PRKCA: variants seen among roughly 807,000 people sequenced by gnomAD.
PRKCA encodes protein kinase C alpha type.
In PRKCA, 27 loss-of-function variants were observed where a neutral mutation model predicts 87.0. The observed-to-expected ratio is 0.31, with a 90% CI of 0.23 to 0.43. The LOEUF (loss-of-function observed/expected upper bound fraction) is 0.43, where lower values mean the gene tolerates loss of function less well. Among genes scored for constraint, PRKCA ranks in the 20% least tolerant of loss-of-function variants. The pLI, the probability that PRKCA is intolerant of heterozygous loss-of-function variation, is 1.00. For missense variants in PRKCA, 518 were observed against 852.3 expected (o/e 0.61, Z 4.88); for synonymous variants, 329 against 311.1 (o/e 1.06, Z -0.61).
At chr17:66,363,050 G>A (rs1315077247) in intron 2 of PRKCA, among the ~76,000 whole-genome samples, 1 of 152,092 alleles carries the variant, frequency 6.6e-6, no homozygotes, top group African/African-American at 2.4e-5. Flanking sequence ...GCATCCTAGA[G>A]GTCTTAGAAA....
chr17:66,482,399 T>G (rs1182878674), intron 2 of PRKCA, among the ~76,000 whole-genome samples: 7 of 151,986 alleles, frequency 4.6e-5, no homozygotes, highest in Non-Finnish European at 1.0e-4. Context: ...CCACCTAGAG[T>G]CCTTCAGGGA....
At chr17:66,329,688 A>T (rs559001739) in intron 2 of PRKCA, among the ~76,000 whole-genome samples, 2 of 152,304 alleles carry the variant, frequency 1.3e-5, no homozygotes, top group South Asian at 4.2e-4. Context: ...AGGTAGGACA[A>T]GGTTTCAAGA....
At chr17:66,684,676 T>G (rs1972578713) in intron 5 of PRKCA, among the ~76,000 whole-genome samples, 5 of 152,358 alleles carry the variant, frequency 3.3e-5, no homozygotes, top group Middle Eastern at 3.4e-3. Flanking sequence ...AAATGATTTT[T>G]TTTGTGTGTG....
At chr17:66,775,265 T>A in intron 14 of PRKCA, 1 of 984,852 alleles carries the variant, frequency 1.0e-6, no homozygotes, top group Non-Finnish European at 1.2e-6. Flanking sequence ...AGGTTTCTCC[T>A]GTCCGTCAGC....
At chr17:66,705,670 C>T (rs1319197347) in intron 8 of PRKCA, among the ~76,000 whole-genome samples, 1 of 152,160 alleles carries the variant, frequency 6.6e-6, no homozygotes, top group Non-Finnish European at 1.5e-5. Context: ...CAAATGTCCC[C>T]AGGCCCTGGT....
At chr17:66,603,838 C>T (rs764181174) in intron 3 of PRKCA, among the ~76,000 whole-genome samples, 2 of 152,190 alleles carry the variant, frequency 1.3e-5, no homozygotes, top group Non-Finnish European at 2.9e-5. Flanking sequence ...GCTCCAGACA[C>T]CTCACATAAG....
chr17:66,336,643 A>AAATT (rs2143319635), intron 2 of PRKCA, among the ~76,000 whole-genome samples: 1 of 131,984 alleles, frequency 7.6e-6, no homozygotes, highest in South Asian at 2.3e-4. Flanking sequence ...GTTATATAGT[A>AAATT]AATTATTAAA....
chr17:66,696,791 A>G (rs1227155634), intron 8 of PRKCA, among the ~76,000 whole-genome samples: 3 of 152,232 alleles, frequency 2.0e-5, no homozygotes, highest in Non-Finnish European at 4.4e-5. Flanking sequence ...CATTTTCAGC[A>G]GACAGGCTTC....
chr17:66,750,277 T>C (rs571751260), intron 13 of PRKCA, among the ~76,000 whole-genome samples: 2 of 152,208 alleles, frequency 1.3e-5, no homozygotes, highest in African/African-American at 4.8e-5. Flanking sequence ...AACAGAATGA[T>C]AAACCAAAGG....
intron 2 of PRKCA, among the ~76,000 whole-genome samples, chr17:66,374,872 C>T (rs908980516): frequency 2.0e-5 from 3 of 151,884 alleles, no homozygotes; most frequent in Non-Finnish European, 4.4e-5. Flanking sequence ...GGACTACAGG[C>T]ACTTGCCACC....
At chr17:66,768,573 G>C (rs1260804332) in intron 13 of PRKCA, among the ~76,000 whole-genome samples, 1 of 152,184 alleles carries the variant, frequency 6.6e-6, no homozygotes, top group Non-Finnish European at 1.5e-5. Context: ...GCATGACTAG[G>C]AGGTCTCAGG....
chr17:66,487,898 G>A (rs1032451459), intron 2 of PRKCA, among the ~76,000 whole-genome samples: 1 of 152,072 alleles, frequency 6.6e-6, no homozygotes, highest in Non-Finnish European at 1.5e-5. Flanking sequence ...CAATTCTGTA[G>A]GTTGTTTCTT....
chr17:66,635,655 T>G (rs549862495), intron 3 of PRKCA, among the ~76,000 whole-genome samples: 25 of 152,368 alleles, frequency 1.6e-4, no homozygotes, highest in African/African-American at 6.0e-4. Context: ...TTTGGTGCTG[T>G]TCTACTTGAG....
chr17:66,788,554 G>GT (rs1474631098), intron 15 of PRKCA, among the ~76,000 whole-genome samples: 1 of 151,738 alleles, frequency 6.6e-6, no homozygotes, highest in Non-Finnish European at 1.5e-5. Flanking sequence ...AACAGACAAC[G>GT]TGTGAGATGT....
chr17:66,802,698 C>A (rs975565826), intron 16 of PRKCA, among the ~76,000 whole-genome samples: 1 of 152,214 alleles, frequency 6.6e-6, no homozygotes, highest in African/African-American at 2.4e-5. Context: ...TTTCACCTTC[C>A]TGACAGCCTT....
intron 8 of PRKCA, among the ~76,000 whole-genome samples, chr17:66,693,505 A>G (rs1972834147): frequency 6.6e-6 from 1 of 152,176 alleles, no homozygotes; most frequent in Admixed American, 6.5e-5. Flanking sequence ...CAAAGCAGGG[A>G]GCTTATCATA....
At chr17:66,688,230 A>G (rs1972682948) in intron 6 of PRKCA, 72 bp from the exon 7 acceptor site, 1 of 1,570,470 alleles carries the variant, frequency 6.4e-7, no homozygotes, top group Non-Finnish European at 8.7e-7. Flanking sequence ...GGCTCGAGTC[A>G]TATACATGTG....
chr17:66,740,308 A>T (rs1309475788), intron 11 of PRKCA, among the ~76,000 whole-genome samples: 1 of 152,140 alleles, frequency 6.6e-6, no homozygotes, highest in African/African-American at 2.4e-5. Flanking sequence ...TTGGTGCTGG[A>T]AAACATCATC....
At chr17:66,581,975 C>T (rs1385941267) in intron 3 of PRKCA, among the ~76,000 whole-genome samples, 1 of 152,122 alleles carries the variant, frequency 6.6e-6, no homozygotes, top group Non-Finnish European at 1.5e-5. Context: ...GACATTTAGC[C>T]ATTAGCCCCA....
Sources: allele counts gnomAD v4.1 joint callset (sites outside exome capture counted in the v4.1 genomes callset), GRCh38; gene constraint gnomAD v4.1.1; transcripts MANE v1.5; gene names NCBI Gene and HGNC (gene_info 2026-07-23, HGNC 2026-07-21).